Variants in TENM3 observed in about 807,000 individuals in gnomAD.
TENM3 encodes teneurin-3.
TENM3 carries 63 observed loss-of-function variants against 255.1 expected under a neutral mutation model. The ratio of observed to expected loss-of-function variants is 0.25; its 90% CI spans 0.20 to 0.30. The LOEUF (loss-of-function observed/expected upper bound fraction) is 0.30. Among genes scored for constraint, TENM3 ranks in the 10% least tolerant of loss-of-function variants. The pLI, the probability that TENM3 is intolerant of heterozygous loss-of-function variation, is 1.00. For missense variants in TENM3, 2,929 were observed against 3,461.1 expected (o/e 0.85, Z 3.86); for synonymous variants, 1,306 against 1,322.3 (o/e 0.99, Z 0.27).
intron 2 of TENM3, among the ~76,000 whole-genome samples, chr4:182,324,807 A>G (rs1763287302): frequency 6.6e-6 from 1 of 152,188 alleles, no homozygotes. Context: ...CTAGTAAATT[A>G]AGTTTATACC....
the TENM3 span, among the ~76,000 whole-genome samples, chr4:181,608,671 C>A: frequency 6.6e-6 from 1 of 151,664 alleles, no homozygotes; most frequent in Non-Finnish European, 1.5e-5. Context: ...GCATACAGAC[C>A]CAGTCTGACT....
the TENM3 span, among the ~76,000 whole-genome samples, chr4:182,084,055 CA>C: frequency 3.3e-5 from 5 of 152,062 alleles, no homozygotes; most frequent in Admixed American, 3.3e-4. Context: ...AAAATTCTGC[CA>C]TTTTTTTTCT....
the TENM3 span, among the ~76,000 whole-genome samples, chr4:182,054,107 T>C: frequency 3.9e-5 from 6 of 152,142 alleles, no homozygotes; most frequent in Admixed American, 3.9e-4. Context: ...TTCAAACTTA[T>C]CTCTTATCAC....
At chr4:181,666,982 G>A in the TENM3 span, among the ~76,000 whole-genome samples, 1 of 152,168 alleles carries the variant, frequency 6.6e-6, no homozygotes, top group Non-Finnish European at 1.5e-5. Flanking sequence ...TCATATCTCA[G>A]TGTACAGATG....
the TENM3 span, among the ~76,000 whole-genome samples, chr4:182,124,853 CT>C: frequency 2.6e-5 from 4 of 152,272 alleles, no homozygotes; most frequent in Non-Finnish European, 4.4e-5. Context: ...AAATTGCACG[CT>C]GGTCTGAGGG....
At chr4:181,531,936 C>T in the TENM3 span, among the ~76,000 whole-genome samples, 6 of 152,360 alleles carry the variant, frequency 3.9e-5, no homozygotes, top group South Asian at 1.2e-3. Flanking sequence ...TGGCTCACCC[C>T]TGCAGTTGCA....
the TENM3 span, among the ~76,000 whole-genome samples, chr4:181,925,280 A>G: frequency 6.6e-6 from 1 of 152,232 alleles, no homozygotes; most frequent in African/African-American, 2.4e-5. Flanking sequence ...CGATTTCTGC[A>G]GAAGCTATAA....
the TENM3 span, among the ~76,000 whole-genome samples, chr4:181,640,960 A>C: frequency 6.6e-6 from 1 of 152,208 alleles, no homozygotes; most frequent in Non-Finnish European, 1.5e-5. Flanking sequence ...TTCTTTTGAA[A>C]GGGTGAACTA....
the TENM3 span, among the ~76,000 whole-genome samples, chr4:181,770,089 T>C: frequency 6.6e-6 from 1 of 152,166 alleles, no homozygotes; most frequent in Non-Finnish European, 1.5e-5. Flanking sequence ...TTGTTGAATA[T>C]GCAGTTTGGG....
intron 1 of TENM3, among the ~76,000 whole-genome samples, chr4:182,274,425 T>C (rs1019903402): frequency 3.3e-5 from 5 of 152,270 alleles, no homozygotes; most frequent in South Asian, 2.1e-4. Flanking sequence ...GTGTTTGGCA[T>C]GGCAACAAAA....
Position 182,392,681 on chromosome 4 carries a change from G to A in TENM3, c.511+45752G>A, listed in dbSNP as rs193083829. On this transcript the variant is annotated intron_variant, in intron 3 of 27. Coordinates refer to ENST00000511685, the MANE Select transcript of TENM3 (RefSeq NM_001080477.4). The stretch of plus-strand genomic sequence containing the variant: ...GGGGAATGCCTCCACGTGGGGCGGG[G>A]GTGGAAACAGAGAAGGAGGCAGGTG... Among the ~76,000 whole-genome samples, 561 of 142,400 alleles carry A rather than the reference G, an allele frequency of 3.9e-3. 5 individuals are homozygous for A. The highest frequency in any genetic ancestry group is 0.013 in the African/African-American group (539 of 40,646). The allele number at this position is 142,400 out of a possible 152,430, so 93.4% of individuals were successfully genotyped here.
the TENM3 span, among the ~76,000 whole-genome samples, chr4:181,672,947 T>A: frequency 6.6e-6 from 1 of 152,206 alleles, no homozygotes; most frequent in Non-Finnish European, 1.5e-5. Flanking sequence ...GTCTCTGTTC[T>A]CTGTATTTGC....
At chr4:182,298,916 A>G (rs1761662742) in intron 1 of TENM3, among the ~76,000 whole-genome samples, 1 of 139,144 alleles carries the variant, frequency 7.2e-6, no homozygotes, top group African/African-American at 2.6e-5. Context: ...CCCAGGAGGC[A>G]GAGGTTGCAG....
At chr4:182,694,798 C>T (rs906525098) in intron 12 of TENM3, among the ~76,000 whole-genome samples, 3 of 151,982 alleles carry the variant, frequency 2.0e-5, no homozygotes, top group African/African-American at 7.3e-5. Flanking sequence ...GGAGGTATTT[C>T]GGAAACAAGA....
chr4:182,785,776 C>T (rs201008816), intron 24 of TENM3, among the ~76,000 whole-genome samples: 1 of 116,514 alleles, frequency 8.6e-6, no homozygotes, highest in Non-Finnish European at 1.9e-5. Flanking sequence ...ATGACTGTAA[C>T]AAAAAAAAAA....
the TENM3 span, among the ~76,000 whole-genome samples, chr4:182,087,825 C>T: frequency 6.6e-6 from 1 of 152,118 alleles, no homozygotes; most frequent in Non-Finnish European, 1.5e-5. Context: ...TCCCTAGGTA[C>T]GTTACACTTC....
intron 5 of TENM3, among the ~76,000 whole-genome samples, chr4:182,635,227 A>G (rs1031470951): frequency 5.3e-5 from 8 of 152,338 alleles, no homozygotes; most frequent in Admixed American, 2.0e-4. Flanking sequence ...GGTTTTTCCT[A>G]ACCAGTAATT....
chr4:182,239,071 GTGTA>G (rs1757079400), upstream of TENM3, among the ~76,000 whole-genome samples: 1 of 120,736 alleles, frequency 8.3e-6, no homozygotes, highest in South Asian at 2.4e-4. Flanking sequence ...GTGTGTGTGT[GTGTA>G]TTTTTTTTTT....
At chr4:181,527,074 G>A in the TENM3 span, among the ~76,000 whole-genome samples, 2 of 152,106 alleles carry the variant, frequency 1.3e-5, no homozygotes, top group African/African-American at 4.8e-5. Context: ...CCCCCTGTGC[G>A]ACCAGTCAGT....
Sources: allele counts gnomAD v4.1 joint callset (sites outside exome capture counted in the v4.1 genomes callset), GRCh38; gene constraint gnomAD v4.1.1; transcripts MANE v1.5; gene names NCBI Gene and HGNC (gene_info 2026-07-23, HGNC 2026-07-21).